Variants in IGSF10 observed in about 807,000 individuals in gnomAD.
IGSF10 encodes the protein immunoglobulin superfamily member 10.
Under a neutral mutation model 128.2 loss-of-function variants are expected in IGSF10, and 126 were observed. The ratio of observed to expected loss-of-function variants is 0.98; its 90% CI spans 0.85 to 1.14. The LOEUF is 1.14. Among genes scored for constraint, IGSF10 ranks in the 50% most tolerant of loss-of-function variants. The pLI is 0.00. For synonymous variants in IGSF10, 1,185 were observed against 1,146.2 expected (o/e 1.03, Z -0.68); for missense variants, 3,295 against 3,149.8 (o/e 1.05, Z -1.10).
the IGSF10 span, among the ~76,000 whole-genome samples, chr3:151,593,625 A>T: frequency 6.6e-6 from 1 of 152,130 alleles, no homozygotes; most frequent in Non-Finnish European, 1.5e-5. Flanking sequence ...ATTTCTGACA[A>T]ATATTTGAAA....
the IGSF10 span, among the ~76,000 whole-genome samples, chr3:151,511,704 C>T: frequency 6.6e-6 from 1 of 152,192 alleles, no homozygotes; most frequent in Non-Finnish European, 1.5e-5. Flanking sequence ...CATCAGTGTG[C>T]TGTATTCAGG....
chr3:151,510,795 G>T, the IGSF10 span, among the ~76,000 whole-genome samples: 1 of 152,186 alleles, frequency 6.6e-6, no homozygotes, highest in Non-Finnish European at 1.5e-5. Context: ...GAAAACCACG[G>T]CACAAGAACC....
At chr3:151,595,443 A>G in the IGSF10 span, among the ~76,000 whole-genome samples, 6 of 150,836 alleles carry the variant, frequency 4.0e-5, no homozygotes, top group Non-Finnish European at 7.4e-5. Context: ...AAAATATATC[A>G]TATATTTCAC....
chr3:151,492,324 A>G, the IGSF10 span, among the ~76,000 whole-genome samples: 46,287 of 152,094 alleles, frequency 0.3, 7,752 homozygotes, highest in Middle Eastern at 0.41. Context: ...CACACCCATT[A>G]GGATGACTAT....
chr3:151,471,521 C>A, the IGSF10 span, among the ~76,000 whole-genome samples: 6 of 152,306 alleles, frequency 3.9e-5, no homozygotes, highest in African/African-American at 1.4e-4. Context: ...TTGGCCCAAC[C>A]TGCAGAGCTT....
the IGSF10 span, among the ~76,000 whole-genome samples, chr3:151,605,452 T>C: frequency 6.6e-6 from 1 of 152,180 alleles, no homozygotes; most frequent in African/African-American, 2.4e-5. Context: ...TATGCAGGTA[T>C]GTCGGGCTTG....
chr3:151,520,804 T>C, the IGSF10 span, among the ~76,000 whole-genome samples: 2 of 151,738 alleles, frequency 1.3e-5, no homozygotes, highest in East Asian at 1.9e-4. Context: ...AGTGTCCCTA[T>C]AAAGCAACCA....
the IGSF10 span, among the ~76,000 whole-genome samples, chr3:151,490,417 G>A: frequency 3.9e-5 from 6 of 151,942 alleles, no homozygotes; most frequent in Admixed American, 6.6e-5. Flanking sequence ...ACAGCAATAC[G>A]ATAGTGGGGA....
intron 7 of IGSF10, among the ~76,000 whole-genome samples, chr3:151,439,654 G>T (rs902647841): frequency 2.6e-5 from 4 of 152,300 alleles, no homozygotes; most frequent in East Asian, 1.9e-4. Context: ...CCAACGCAAG[G>T]TTCCTTAGAA....
chr3:151,499,571 G>T, the IGSF10 span: 2 of 152,088 alleles, frequency 1.3e-5, no homozygotes, highest in African/African-American at 2.4e-5. Context: ...ATGAACAAGA[G>T]AATTGTGTTC....
intron 5 of IGSF10, among the ~76,000 whole-genome samples, chr3:151,450,635 G>C (rs1045843180): frequency 1.3e-5 from 2 of 152,046 alleles, no homozygotes; most frequent in Non-Finnish European, 2.9e-5. Context: ...AATCGCTCAC[G>C]CCTGTAACCT....
At chr3:151,597,687 C>A in the IGSF10 span, among the ~76,000 whole-genome samples, 1 of 152,076 alleles carries the variant, frequency 6.6e-6, no homozygotes, top group Non-Finnish European at 1.5e-5. Context: ...GAGGCTGAGG[C>A]GGGTGGATCA....
rs749030010 is a variant in IGSF10 at position 151,446,844 on chromosome 3, G to T, written c.3137C>A (p.Ser1046Tyr). 2 of 1,614,164 alleles carry T rather than the reference G, an allele frequency of 1.2e-6. No individual in the cohort carries two copies. The highest frequency in any genetic ancestry group is 1.3e-5 in the African/African-American group (1 of 75,048). ...YSIFRSTTRG[S>Y]SEKSTTAFSA... ...GAATGCAGTAGTGCTTTTTTCAGAA[G>T]AACCTCTGGTTGTTGACCTGAAAAT... Residue 1046 changes from serine (S) to tyrosine (Y), a missense_variant, in exon 6 of 8, where the codon TCT becomes TAT. Coordinates refer to ENST00000282466, the MANE Select transcript of IGSF10 (RefSeq NM_178822.5).
At chr3:151,458,240 G>A (rs911271140) in intron 3 of IGSF10, among the ~76,000 whole-genome samples, 9 of 151,866 alleles carry the variant, frequency 5.9e-5, no homozygotes, top group Non-Finnish European at 1.3e-4. Context: ...TCATTTTCCA[G>A]CAAAAATGTA....
chr3:151,539,311 G>T, the IGSF10 span, among the ~76,000 whole-genome samples: 15 of 152,246 alleles, frequency 9.9e-5, no homozygotes, highest in African/African-American at 3.6e-4. Flanking sequence ...TCGCATAGCC[G>T]CTCTTAAGAG....
At chr3:151,464,185 C>T (rs1722197844), upstream of IGSF10, among the ~76,000 whole-genome samples, 1 of 152,128 alleles carries the variant, frequency 6.6e-6, no homozygotes, top group South Asian at 2.1e-4. Context: ...GGTAATTTAC[C>T]TACGCTTTAA....
At chr3:151,594,617 C>T in the IGSF10 span, among the ~76,000 whole-genome samples, 3 of 149,188 alleles carry the variant, frequency 2.0e-5, no homozygotes, top group East Asian at 2.0e-4. Flanking sequence ...CCACCGCGCC[C>T]GGCCCTTTTT....
chr3:151,494,718 A>G, the IGSF10 span, among the ~76,000 whole-genome samples: 1 of 152,114 alleles, frequency 6.6e-6, no homozygotes, highest in Non-Finnish European at 1.5e-5. Flanking sequence ...TCTGTCAAAA[A>G]TAGGGCTTAC....
At chr3:151,593,136 A>T in the IGSF10 span, among the ~76,000 whole-genome samples, 1 of 152,048 alleles carries the variant, frequency 6.6e-6, no homozygotes, top group African/African-American at 2.4e-5. Flanking sequence ...TTATTTTTTA[A>T]TTTTTTCCTT....
Sources: allele counts gnomAD v4.1 joint callset (sites outside exome capture counted in the v4.1 genomes callset), GRCh38; gene constraint gnomAD v4.1.1; transcripts MANE v1.5; gene names NCBI Gene and HGNC (gene_info 2026-07-23, HGNC 2026-07-21).